The following VWA3A variants were observed in gnomAD, a reference collection of about 807,000 sequenced individuals.
VWA3A encodes von Willebrand factor A domain-containing protein 3A.
VWA3A carries 134 observed loss-of-function variants against 160.4 expected under a neutral mutation model. The ratio of observed to expected loss-of-function variants is 0.84; its 90% CI spans 0.73 to 0.96. The LOEUF (loss-of-function observed/expected upper bound fraction) is 0.96, where lower values mean the gene tolerates loss of function less well. Among genes scored for constraint, VWA3A ranks in the 40% least tolerant of loss-of-function variants. The pLI is 0.00. For missense variants in VWA3A, 1,310 were observed against 1,447.9 expected, an observed-to-expected ratio of 0.90 and a Z score of 1.55; for synonymous variants, 476 against 543.4, an observed-to-expected ratio of 0.88 and a Z score of 1.72.
chr16:22,122,742 G>T (rs2045766936), intron 14 of VWA3A, among the ~76,000 whole-genome samples: 1 of 152,136 alleles, frequency 6.6e-6, no homozygotes, highest in Non-Finnish European at 1.5e-5. Flanking sequence ...CTCCAACTGT[G>T]CTCTCTATTA....
intron 6 of VWA3A, among the ~76,000 whole-genome samples, chr16:22,104,945 T>C (rs1044180657): frequency 2.6e-5 from 4 of 151,928 alleles, no homozygotes; most frequent in African/African-American, 9.7e-5. Flanking sequence ...CTAAAAGTCA[T>C]GCTCCCTACT....
chr16:22,094,967 C>CAAA (rs565358806), intron 1 of VWA3A, among the ~76,000 whole-genome samples: 2 of 66,038 alleles, frequency 3.0e-5, no homozygotes, highest in African/African-American at 5.9e-5. Flanking sequence ...GACTCCGTCT[C>CAAA]AAAAAAAAAA....
intron 6 of VWA3A, among the ~76,000 whole-genome samples, chr16:22,106,959 G>C (rs947113664): frequency 7.2e-5 from 11 of 152,210 alleles, no homozygotes; most frequent in Admixed American, 6.5e-4. Context: ...CTAAGATGGG[G>C]AAGGCTGAGG....
intron 9 of VWA3A, chr16:22,116,435 A>G (rs2045649309): frequency 4.4e-5 from 20 of 454,024 alleles, no homozygotes; most frequent in Middle Eastern, 6.0e-4. Context: ...AAGAGAGAGG[A>G]AGAGAGAGAG....
chr16:22,117,088 T>C, intron 10 of VWA3A, 23 bp from the exon 11 acceptor site: 1 of 1,568,078 alleles, frequency 6.4e-7, no homozygotes, highest in Non-Finnish European at 8.7e-7. Context: ...TAGTGAGGCC[T>C]GACCCTGGCC....
At chr16:22,138,291 CTG>C (rs35642540) in intron 21 of VWA3A, 67 bp from the exon 22 acceptor site, 61,902 of 1,191,496 alleles carry the variant, frequency 0.052, no homozygotes, top group Non-Finnish European at 0.057. Flanking sequence ...GTCCCTCCTG[CTG>C]TGTGTGTGTG....
intron 6 of VWA3A, among the ~76,000 whole-genome samples, chr16:22,106,809 G>A (rs190256852): frequency 7.2e-5 from 11 of 152,346 alleles, no homozygotes; most frequent in African/African-American, 2.6e-4. Context: ...AACGATGGAG[G>A]CTTGGACTCA....
At chr16:22,144,644 C>T (rs1367887919) in intron 26 of VWA3A, among the ~76,000 whole-genome samples, 1 of 152,006 alleles carries the variant, frequency 6.6e-6, no homozygotes, top group Non-Finnish European at 1.5e-5. Flanking sequence ...AGGCCAGGTG[C>T]GGTGACTCCT....
chr16:22,142,577 C>T (rs1425652703), intron 24 of VWA3A, 91 bp from the exon 25 acceptor site: 2 of 948,888 alleles, frequency 2.1e-6, no homozygotes, highest in African/African-American at 3.3e-5. Context: ...CCCATTAAGC[C>T]CCATCTCCAA....
chr16:22,116,208 AGAAG>A (rs2045642139), intron 9 of VWA3A: 1 of 361,738 alleles, frequency 2.8e-6, no homozygotes. Context: ...GAGAAAGGAA[AGAAG>A]GAAGAGAAGG....
At chr16:22,155,110 C>G (rs1215420983) in intron 31 of VWA3A, among the ~76,000 whole-genome samples, 1 of 151,850 alleles carries the variant, frequency 6.6e-6, no homozygotes, top group Non-Finnish European at 1.5e-5. Flanking sequence ...GCCGTGATCA[C>G]GCCACTGCCC....
chr16:22,125,688 G>T (rs577714751), intron 16 of VWA3A, among the ~76,000 whole-genome samples: 1 of 152,242 alleles, frequency 6.6e-6, no homozygotes, highest in South Asian at 2.1e-4. Context: ...CTCCCAGAGT[G>T]CTGGGATTAC....
At chr16:22,103,354 A>G (rs1438241331) in intron 5 of VWA3A, 121 bp from the exon 6 acceptor site, 2 of 898,830 alleles carry the variant, frequency 2.2e-6, no homozygotes, top group East Asian at 2.7e-5. Flanking sequence ...ACCTTCTTCC[A>G]AGAACCTATG....
Position 22,148,295 on chromosome 16 carries a change from G to A in VWA3A, c.2973G>A (p.Lys991=). 6.3e-7 allele frequency: 1 copy of A among 1,595,938 alleles called. No homozygotes were observed. The highest frequency in any genetic ancestry group is 1.1e-5 in the South Asian group (1 of 87,618). The change falls in exon 28 of 34, where the codon AAG becomes AAA. Residue 991 remains lysine, a synonymous_variant. Transcript: ENST00000389398. ...TGCTGATTTGGGAACAGCTGCGGAAGTGCTGTGACAGGTAGGAGGCGAGGG... is the reference window on the plus strand; with the variant it reads ...TGCTGATTTGGGAACAGCTGCGGAAATGCTGTGACAGGTAGGAGGCGAGGG... The part of the protein sequence containing the change: ...LVLLIWEQLR[K]CCDSFNLLSF...
chr16:22,136,874 T>TAC (rs747914882), intron 21 of VWA3A, among the ~76,000 whole-genome samples: 2,248 of 134,582 alleles, frequency 0.017, 28 homozygotes, highest in African/African-American at 0.054. Flanking sequence ...CTACTAAAAA[T>TAC]ACACACACAC....
In VWA3A at chr16:22,155,618, G is replaced by A. The variant is rs368434245; in HGVS notation, c.3457G>A (p.Glu1153Lys). ...AGATGATTTAAGGATCCTGGCCCAG[G>A]AGATCACCAAGGCCAGAAGCTTCCT... ...EGDDLRILAQ[E>K]ITKARSFLWQ... The change falls in exon 32 of 34, where the codon GAG (glutamate) becomes AAG (lysine). Residue 1153 changes from glutamate (E) to lysine (K), a missense_variant. Physicochemically the swap from Glu to Lys is moderately conservative, Grantham distance 56. Coordinates refer to ENST00000389398, the MANE Select transcript of VWA3A (RefSeq NM_173615.5). 1 of 1,613,922 alleles carries A rather than the reference G, an allele frequency of 6.2e-7. No homozygotes were observed. Among genetic ancestry groups the A allele is most frequent in the Non-Finnish European group, 8.5e-7 (1 of 1,179,892 alleles).
chr16:22,145,374 C>T (rs772603390), intron 26 of VWA3A, among the ~76,000 whole-genome samples: 7 of 152,130 alleles, frequency 4.6e-5, no homozygotes, highest in Non-Finnish European at 1.0e-4. Flanking sequence ...CGCAGTGGCT[C>T]ATGCCTGTAG....
intron 1 of VWA3A, among the ~76,000 whole-genome samples, chr16:22,096,319 C>T (rs1274905020): frequency 1.3e-5 from 2 of 152,180 alleles, no homozygotes; most frequent in Non-Finnish European, 2.9e-5. Flanking sequence ...GAAGAGTTGG[C>T]TGAGCACAGT....
intron 30 of VWA3A, among the ~76,000 whole-genome samples, 155 bp downstream of exon 30, chr16:22,151,001 C>T (rs1197004916): frequency 2.6e-5 from 4 of 152,210 alleles, no homozygotes; most frequent in Admixed American, 6.5e-5. Flanking sequence ...GAGAAGCGGC[C>T]GGGCATGCTG....
Sources: gnomAD v4.1 joint callset for allele counts (sites outside exome capture counted in the v4.1 genomes callset) on GRCh38, gnomAD v4.1.1 for gene constraint, MANE v1.5 for transcripts, NCBI Gene and HGNC (gene_info 2026-07-23, HGNC 2026-07-21) for gene names.